The following COL6A1 variants were observed in gnomAD, a reference collection of about 807,000 sequenced individuals.
COL6A1 encodes collagen type VI alpha 1 chain, also known as collagen alpha-1(VI) chain.
Under a neutral mutation model 145.6 loss-of-function variants are expected in COL6A1, and 80 were observed. The ratio of observed to expected loss-of-function variants is 0.55; its 90% CI spans 0.46 to 0.66. The LOEUF (loss-of-function observed/expected upper bound fraction) is 0.66, where lower values mean the gene tolerates loss of function less well. Ranked by LOEUF, COL6A1 falls within the 30% of genes least tolerant of loss-of-function variation. The pLI, the probability that COL6A1 is intolerant of heterozygous loss-of-function variation, is 0.00. For synonymous variants in COL6A1, 638 were observed against 622.8 expected (o/e 1.02, Z -0.36); for missense variants, 1,364 against 1,473.8 (o/e 0.93, Z 1.22).
intron 26 of COL6A1, 39 bp downstream of exon 26, chr21:45,999,257 G>T (rs760626082): frequency 6.5e-7 from 1 of 1,535,312 alleles, no homozygotes; most frequent in Non-Finnish European, 8.9e-7. Context: ...GGTGGGCTGT[G>T]CCTGGGACGC....
chr21:45,986,466 G>C, intron 3 of COL6A1, 60 bp from the exon 4 acceptor site: 1 of 1,524,106 alleles, frequency 6.6e-7, no homozygotes, highest in African/African-American at 1.4e-5. Flanking sequence ...GGACAGGCTT[G>C]GGTCTCCCTC....
Position 45,992,193 on chromosome 21 carries a change from A to G in COL6A1, c.1212A>G (p.Gly404=). The change falls in exon 17 of 35, where the codon GGA becomes GGG. Residue 404 remains glycine (G), a synonymous_variant. Transcript: ENST00000361866. ...EGQPGEPGPP[G]EKGEAGDEGN... The stretch of plus-strand genomic sequence containing the variant: ...AGCCGGGAGAGCCTGGGCCCCCCGG[A>G]GAGAAAGGAGAGGCGGGCGACGAGG... The G allele has an allele frequency of 6.2e-7, 1 of 1,613,732 alleles. No homozygotes were observed. Among genetic ancestry groups the G allele is most frequent in the African/African-American group, 1.3e-5 (1 of 74,992 alleles).
At position 45,998,280 on chromosome 21, in the gene COL6A1, C is replaced by T. The variant is rs963848656; in HGVS notation, c.1575+109C>T. The T allele has an allele frequency of 3.8e-6, 6 of 1,580,700 alleles. No individual in the cohort carries two copies. In the African/African-American group the frequency reaches 8.1e-5, roughly 21 times the overall value. On this transcript the variant is annotated intron_variant, in intron 23 of 34. Transcript: ENST00000361866. ...GGCGGGCTGGCCCCAGGACCGCCGG[C>T]TGGCCCAGGAATTCCATGGCCGGGA...
chr21:45,998,172 G>A lies in COL6A1; in HGVS notation c.1575+1G>A, dbSNP rs1002726737. The A allele has an allele frequency of 1.6e-5, 26 of 1,611,828 alleles. No homozygotes were observed. The highest frequency in any genetic ancestry group is 2.0e-5 in the Non-Finnish European group (24 of 1,179,530). ...CACCGAGGGCTTCCCCGGCTTCCCCGTAAGTGTCCGGAGGCTGAGCCCACA... is the reference window on the plus strand; with the variant it reads ...CACCGAGGGCTTCCCCGGCTTCCCCATAAGTGTCCGGAGGCTGAGCCCACA... On this transcript the variant is annotated splice_donor_variant, in intron 23 of 34. Coordinates refer to ENST00000361866, the MANE Select transcript of COL6A1 (RefSeq NM_001848.3). LOFTEE classifies it high-confidence loss of function.
In COL6A1 at chr21:45,991,928, G is replaced by T. The variant is rs1419494740; in HGVS notation, c.1120-82G>T. The T allele has an allele frequency of 2.5e-5, 34 of 1,381,640 alleles. 1 individual carries two copies. In the East Asian group the frequency reaches 8.0e-4, roughly 32 times the overall value. The allele number at this position is 1,381,640 out of a possible 1,614,324, so 85.6% of individuals were successfully genotyped here. A position where few individuals can be genotyped will look rare whatever the true frequency, so the allele number is the denominator to read the frequency against. ...AGGGAGTGGCCTGAAGTATGGGTGA[G>T]AGGCCCTGGATGTGGCCTCTGATGG... On this transcript the variant is annotated intron_variant, in intron 15 of 34. Coordinates refer to ENST00000361866, the MANE Select transcript of COL6A1 (RefSeq NM_001848.3).
In COL6A1 at chr21:45,992,414, G is replaced by A. The variant is rs1329043741; in HGVS notation, c.1272+16G>A. ...CGGGGAGCGGGTGAGTGGGGCAGGGGCAGCCTGCGCTGTTGGCCTCACCAT... is the reference window on the plus strand; with the variant it reads ...CGGGGAGCGGGTGAGTGGGGCAGGGACAGCCTGCGCTGTTGGCCTCACCAT... On this transcript the variant is annotated intron_variant, in intron 18 of 34. Transcript: ENST00000361866. The A allele has an allele frequency of 1.2e-6, 2 of 1,611,236 alleles. No individual in the cohort carries two copies. Among genetic ancestry groups the A allele is most frequent in the African/African-American group, 1.3e-5 (1 of 74,914 alleles).
chr21:46,003,250 G>T, intron 34 of COL6A1, 101 bp downstream of exon 34: 1 of 1,605,776 alleles, frequency 6.2e-7, no homozygotes. Flanking sequence ...TGGCGGTCAC[G>T]AGAGTAGGTG....
rs372874290 is a variant in COL6A1 at position 45,998,930 on chromosome 21, G to A, written c.1645G>A (p.Glu549Lys). The A allele has an allele frequency of 1.7e-5, 27 of 1,556,334 alleles. No homozygotes were observed. The highest frequency in any genetic ancestry group is 2.3e-5 in the Non-Finnish European group (26 of 1,149,514). ...GGGCTACCCCGGCCTCAAGGGGGAC[G>A]AGGGAGAAGCCGGGGACCCCGGAGA... The part of the protein sequence containing the change: ...TKGYPGLKGD[E>K]GEAGDPGDDN... Residue 549 changes from glutamate (E) to lysine (K), a missense_variant, in exon 25 of 35, where the codon GAG becomes AAG. By Grantham distance (56) the Glu-to-Lys change is moderately conservative (BLOSUM62 1). Transcript: ENST00000361866.
At chr21:45,999,503 G>C in intron 26 of COL6A1, 154 bp from the exon 27 acceptor site, 1 of 895,228 alleles carries the variant, frequency 1.1e-6, no homozygotes, top group Non-Finnish European at 1.8e-6. Flanking sequence ...TGCCCTCACA[G>C]CACCGTCACT....
chr21:45,992,545 G>A, intron 18 of COL6A1, 147 bp downstream of exon 18: 1 of 1,130,206 alleles, frequency 8.8e-7, no homozygotes, highest in South Asian at 1.5e-5. Context: ...CGTCCAGGAT[G>A]CCTCTTCCCA....
chr21:45,982,578 G>T (rs2077714169), intron 1 of COL6A1, 56 bp from the exon 2 acceptor site: 1 of 1,610,626 alleles, frequency 6.2e-7, no homozygotes, highest in African/African-American at 1.3e-5. Flanking sequence ...AGGCCCAGCA[G>T]AGACTCGGGG....
At chr21:45,983,435 G>T (rs546166670) in intron 2 of COL6A1, among the ~76,000 whole-genome samples, 3 of 152,224 alleles carry the variant, frequency 2.0e-5, no homozygotes, top group East Asian at 3.9e-4. Flanking sequence ...ACTGAGACGG[G>T]TCCTGGCAGT....
At chr21:45,983,172 T>G (rs2077718055) in intron 2 of COL6A1, among the ~76,000 whole-genome samples, 1 of 152,196 alleles carries the variant, frequency 6.6e-6, no homozygotes, top group Admixed American at 6.5e-5. Context: ...CCTGGTTTGT[T>G]CCGTGGGCAG....
intron 8 of COL6A1, among the ~76,000 whole-genome samples, 183 bp from the exon 9 acceptor site, chr21:45,988,901 G>T (rs190269092): frequency 3.9e-5 from 6 of 152,262 alleles, no homozygotes; most frequent in Admixed American, 2.0e-4. Context: ...GGCAGGGAGT[G>T]GGGGGAGCTG....
At chr21:46,002,814 G>C (rs2077856144) in intron 33 of COL6A1, 104 bp downstream of exon 33, 2 of 1,356,748 alleles carry the variant, frequency 1.5e-6, no homozygotes, top group Admixed American at 3.9e-5. Flanking sequence ...CGCCCGGGCA[G>C]TCCCAGATCT....
At position 45,999,792 on chromosome 21, in the gene COL6A1, C is replaced by G. The variant is rs1336909934; in HGVS notation, c.1776+100C>G. The G allele has an allele frequency of 1.2e-3, 1,004 of 832,092 alleles. 24 individuals are homozygous for G. Among genetic ancestry groups the G allele is most frequent in the Non-Finnish European group, 1.5e-3 (833 of 546,598 alleles). The allele number at this position is 832,092 out of a possible 1,614,324, so 51.5% of individuals were successfully genotyped here. ...TGGGTGCTCCTGTAGACGCTGCTCA[C>G]GGGGGGGTGGGTTGTGGACAAAGAG... On this transcript the variant is annotated intron_variant, in intron 27 of 34. Coordinates refer to ENST00000361866, the MANE Select transcript of COL6A1 (RefSeq NM_001848.3).
At chr21:46,003,269 A>G (rs2077859601) in intron 34 of COL6A1, 120 bp downstream of exon 34, 1 of 1,602,668 alleles carries the variant, frequency 6.2e-7, no homozygotes, top group South Asian at 1.1e-5. Flanking sequence ...TGCATGGCTC[A>G]CTCCGGTGGC....
chr21:45,986,605 G>T lies in COL6A1; in HGVS notation c.508G>T (p.Gly170Trp), dbSNP rs370889024. 6 of 1,559,504 alleles carry T rather than the reference G, an allele frequency of 3.8e-6. No individual in the cohort carries two copies. Among genetic ancestry groups the T allele is most frequent in the South Asian group, 1.2e-5 (1 of 84,568 alleles). ...HPLEGYKEPC[G>W]GLEDAVNEAK... Reference sequence around the variant, plus strand: ...CCTGGAGGGCTACAAGGAACCCTGTGGGGGGCTGGAGGATGCTGTGAACGA... The same window carrying T: ...CCTGGAGGGCTACAAGGAACCCTGTTGGGGGCTGGAGGATGCTGTGAACGA... The change falls in exon 4 of 35, where the codon GGG (glycine) becomes TGG (tryptophan). Residue 170 changes from glycine to tryptophan, a missense_variant. Physicochemically the swap from Gly to Trp is radical, Grantham distance 184. Coordinates refer to ENST00000361866, the MANE Select transcript of COL6A1 (RefSeq NM_001848.3).
chr21:46,000,853 A>T (rs1279208234), intron 29 of COL6A1, 86 bp downstream of exon 29: 2 of 1,528,752 alleles, frequency 1.3e-6, no homozygotes, highest in Non-Finnish European at 1.8e-6. Context: ...ACAGGACAGC[A>T]CATGGCACTC....
Sources: gnomAD v4.1 joint callset for allele counts (sites outside exome capture counted in the v4.1 genomes callset) on GRCh38, gnomAD v4.1.1 for gene constraint, MANE v1.5 for transcripts, NCBI Gene and HGNC (gene_info 2026-07-23, HGNC 2026-07-21) for gene names.